MUC4: variants seen among roughly 807,000 people sequenced by gnomAD.
MUC4 encodes the protein mucin-4.
MUC4 carries 202 observed loss-of-function variants against 257.9 expected under a neutral mutation model. The ratio of observed to expected loss-of-function variants is 0.78; its 90% CI spans 0.70 to 0.88. MUC4 has a LOEUF of 0.88. Ranked by LOEUF, MUC4 falls within the 40% of genes least tolerant of loss-of-function variation. The probability of loss-of-function intolerance (pLI) is 0.00; values close to 1 mark genes in which losing one functional copy is unlikely to be tolerated. For synonymous variants in MUC4, 2,351 were observed against 2,757.1 expected, an observed-to-expected ratio of 0.85 and a Z score of 4.62; for missense variants, 5,976 against 6,513.7, an observed-to-expected ratio of 0.92 and a Z score of 2.84.
chr3:195,767,502 C>CATT (rs1485181581), intron 7 of MUC4, among the ~76,000 whole-genome samples: 41 of 146,074 alleles, frequency 2.8e-4, no homozygotes, highest in Non-Finnish European at 4.7e-4. Flanking sequence ...TCACCATCAC[C>CATT]ACCACCATCA....
At position 195,763,516 on chromosome 3, in the gene MUC4, T is replaced by A; in HGVS notation, c.14170A>T (p.Thr4724Ser). ...GCCTGGGCTGAGCCAGTCTGGGCGG[T>A]GCGGCCCTGAAGCAGGAAGGAGGAG... ...GNSSFLLQGRTAQTGSAQATN... is the reference protein window; with the variant it reads ...GNSSFLLQGRSAQTGSAQATN... The change falls in exon 12 of 25, where the codon ACC (threonine) becomes TCC (serine). Residue 4724 changes from threonine (T) to serine (S), a missense_variant. Transcript: ENST00000463781. 6.4e-7 allele frequency: 1 copy of A among 1,566,272 alleles called. No homozygotes were observed. The highest frequency in any genetic ancestry group is 8.7e-7 in the Non-Finnish European group (1 of 1,154,430).
At chr3:195,775,425 C>CCATACCTTCCACAGT (rs1724230127) in intron 3 of MUC4, among the ~76,000 whole-genome samples, 1 of 17,582 alleles carries the variant, frequency 5.7e-5, no homozygotes, top group African/African-American at 2.4e-4. Flanking sequence ...CCTTCCACAC[C>CCATACCTTCCACAGT]CATACCTTCC....
Position 195,780,327 on chromosome 3 carries a change from G to C in MUC4, c.11253C>G (p.Ser3751=), listed in dbSNP as rs778536277. The C allele has an allele frequency of 3.9e-6, 6 of 1,528,110 alleles. No individual in the cohort carries two copies. In the Admixed American group the frequency reaches 1.2e-4, roughly 31 times the overall value. 94.7% of individuals were successfully genotyped at this position (1,528,110 alleles called of 1,614,324 possible). A position where few individuals can be genotyped will look rare whatever the true frequency, so the allele number is the denominator to read the frequency against. ...HVTPLPVTST[S]SASTGHATPL... ...GGGTGGCGTGACCTGTGGATGCTGA[G>C]GAAGTGCTGGTGACAGGAAGAGGGG... Residue 3751 remains serine, a synonymous_variant, in exon 2 of 25, where the codon TCC becomes TCG. Transcript: ENST00000463781.
At position 195,754,258 on chromosome 3, in the gene MUC4, C is replaced by A. The variant is rs144662307; in HGVS notation, c.15283G>T (p.Glu5095Ter). ...CCAGTCAGGTTTGGAGGGCAGGCCT[C>A]GCAGCCCTTCCCAGGAACGCAGTGG... is the stretch of plus-strand genomic sequence containing the variant. ...SVHCVPGKGC[E>*]ACPPNLTGDG... Residue 5095 changes from glutamate (E) to a stop codon, truncating the protein, a stop_gained, in exon 19 of 25, where the codon GAG becomes TAG. Coordinates refer to ENST00000463781, the MANE Select transcript of MUC4 (RefSeq NM_018406.7). LOFTEE classifies it high-confidence loss of function. 9.7e-4 allele frequency: 1,560 copies of A among 1,614,030 alleles called. 4 individuals carry two copies. Among genetic ancestry groups the A allele is most frequent in the Non-Finnish European group, 1.2e-3 (1,358 of 1,179,996 alleles).
At chr3:195,759,764 A>G (rs987467521) in intron 16 of MUC4, among the ~76,000 whole-genome samples, 5 of 152,146 alleles carry the variant, frequency 3.3e-5, no homozygotes, top group African/African-American at 1.2e-4. Context: ...TACTAAAAAT[A>G]CAAAATTAGT....
intron 5 of MUC4, among the ~76,000 whole-genome samples, chr3:195,771,078 TGGCCG>T (rs1722749915): frequency 3.5e-4 from 15 of 42,622 alleles, no homozygotes; most frequent in African/African-American, 6.7e-4. Flanking sequence ...GTCAGTCTCG[TGGCCG>T]GGTTGGGGTA....
rs1220572015 is a variant in MUC4, at chr3:195,778,779, T to C, written c.12790+11A>G. Reference sequence around the variant, plus strand: ...ACTGGGAGACATAAAGGCGAGGCAGTTGGCAGCTACCTGGTGTTTCCATCT... The same window carrying C: ...ACTGGGAGACATAAAGGCGAGGCAGCTGGCAGCTACCTGGTGTTTCCATCT... On this transcript the variant is annotated intron_variant, in intron 2 of 24. Coordinates refer to ENST00000463781, the MANE Select transcript of MUC4 (RefSeq NM_018406.7). The C allele has an allele frequency of 1.9e-6, 3 of 1,603,080 alleles. No individual in the cohort carries two copies. In the African/African-American group the frequency reaches 4.0e-5, roughly 21 times the overall value.
rs1560283555 is a variant in MUC4, at chr3:195,775,423, ACCC to A, written c.12944-1121_12944-1119del. ...TACCTTCCACACCCATACCTTCCAC[ACCC>A]ATACCTTCCACACCCATACCTTCCA... On this transcript the variant is annotated intron_variant, in intron 3 of 24. Transcript: ENST00000463781. 1.5e-3 allele frequency among the ~76,000 whole-genome samples: 152 copies of A among 102,002 alleles called. 2 individuals are homozygous for A. The highest frequency in any genetic ancestry group is 2.1e-3 in the Non-Finnish European group (104 of 48,794). The allele number at this position is 102,002 out of a possible 152,430, so 66.9% of individuals were successfully genotyped here.
At chr3:195,794,117 A>T (rs1183059761) in intron 1 of MUC4, among the ~76,000 whole-genome samples, 3 of 117,024 alleles carry the variant, frequency 2.6e-5, no homozygotes, top group African/African-American at 7.6e-5. Context: ...AAAAATAGAT[A>T]TTAAATAAAT....
At chr3:195,754,021 A>C (rs1717012386) in intron 19 of MUC4, 192 bp downstream of exon 19, 2 of 703,836 alleles carry the variant, frequency 2.8e-6, no homozygotes, top group Non-Finnish European at 4.4e-6. Flanking sequence ...CCCCCTTTCC[A>C]GGCCTGCCTA....
In MUC4 at chr3:195,753,084, C is replaced by T; in HGVS notation, c.15475G>A (p.Ala5159Thr). The change falls in exon 20 of 25, where the codon GCT (alanine) becomes ACT (threonine). Residue 5159 changes from alanine (A) to threonine (T), a missense_variant. By Grantham distance (58) the Ala-to-Thr change is moderately conservative (BLOSUM62 0). Around this residue, in one of 44 missense-constraint regions of MUC4, gnomAD observed 996 missense variants for 1,137.3 expected, o/e 0.88. Coordinates refer to ENST00000463781, the MANE Select transcript of MUC4 (RefSeq NM_018406.7). ...PAFTDSRCFL[A>T]GNNFSPTVNL... The stretch of plus-strand genomic sequence containing the variant: ...ACAGTTGGACTGAAGTTGTTCCCAG[C>T]CAGGAAGCAGCGGCTGTCAGTGAAG... The T allele has an allele frequency of 6.2e-7, 1 of 1,610,032 alleles. No individual in the cohort carries two copies. Among genetic ancestry groups the T allele is most frequent in the Admixed American group, 1.7e-5 (1 of 59,692 alleles).
At chr3:195,794,087 A>AT (rs1196074686) in intron 1 of MUC4, among the ~76,000 whole-genome samples, 88 of 140,892 alleles carry the variant, frequency 6.2e-4, no homozygotes, top group Middle Eastern at 3.6e-3. Context: ...TTAAAAAATA[A>AT]AAATAATAAT....
At chr3:195,777,928 ACCC>A (rs1221000742) in intron 3 of MUC4, among the ~76,000 whole-genome samples, 4 of 148,400 alleles carry the variant, frequency 2.7e-5, no homozygotes, top group African/African-American at 1.0e-4. Context: ...TACCTTCCAC[ACCC>A]ATACCTTCCA....
chr3:195,806,310 C>T (rs899815175), intron 1 of MUC4, among the ~76,000 whole-genome samples: 2 of 152,284 alleles, frequency 1.3e-5, no homozygotes, highest in East Asian at 3.9e-4. Flanking sequence ...CCTCAGGCCT[C>T]AGCTCCCCGC....
chr3:195,802,591 G>A (rs756471959), intron 1 of MUC4, among the ~76,000 whole-genome samples: 69 of 152,302 alleles, frequency 4.5e-4, no homozygotes, highest in Middle Eastern at 6.8e-3. Context: ...TCCCGGGGGC[G>A]TGGGTCTAGT....
Position 195,773,047 on chromosome 3 carries a change from C to T in MUC4, c.13077+1125G>A, listed in dbSNP as rs556158052. 1.7e-3 allele frequency among the ~76,000 whole-genome samples: 247 copies of T among 143,774 alleles called. 2 individuals are homozygous for T. The highest frequency in any genetic ancestry group is 5.5e-3 in the African/African-American group (207 of 37,914). The allele number at this position is 143,774 out of a possible 152,430, so 94.3% of individuals were successfully genotyped here. Reference sequence around the variant, plus strand: ...TCGCTCAGGGGTGTAGACACCCTCCCTTCATCGCTCAGGGGTGTGGACACC... The same window carrying T: ...TCGCTCAGGGGTGTAGACACCCTCCTTTCATCGCTCAGGGGTGTGGACACC... On this transcript the variant is annotated intron_variant, in intron 4 of 24. Transcript: ENST00000463781.
chr3:195,772,136 C>T (rs923951986), intron 4 of MUC4, among the ~76,000 whole-genome samples: 1 of 152,096 alleles, frequency 6.6e-6, no homozygotes, highest in South Asian at 2.1e-4. Flanking sequence ...CTGAAGTTTG[C>T]GACACATTAG....
intron 1 of MUC4, among the ~76,000 whole-genome samples, chr3:195,805,132 C>G (rs1305549238): frequency 2.0e-5 from 3 of 151,448 alleles, no homozygotes; most frequent in Non-Finnish European, 4.4e-5. Context: ...GCGATCTCAG[C>G]TCACTGTAAC....
chr3:195,788,657 T>C lies in MUC4; in HGVS notation c.2923A>G (p.Thr975Ala), dbSNP rs1318783919. 6.2e-7 allele frequency: 1 copy of C among 1,610,890 alleles called. No individual in the cohort carries two copies. The highest frequency in any genetic ancestry group is 8.5e-7 in the Non-Finnish European group (1 of 1,178,594). Residue 975 changes from threonine to alanine, a missense_variant, in exon 2 of 25, where the codon ACC becomes GCC. By Grantham distance (58) the Thr-to-Ala change is moderately conservative (BLOSUM62 0). Coordinates refer to ENST00000463781, the MANE Select transcript of MUC4 (RefSeq NM_018406.7). ...GAAGCGTAGGTGACAGGAAGAGGGG[T>C]GGCGTTGCTGATGAGGGCCGTGGTG... ...TFTTALISNA[T>A]PLPVTYASSA...
Sources: gnomAD v4.1 joint callset for allele counts (sites outside exome capture counted in the v4.1 genomes callset) on GRCh38, gnomAD v4.1.1 for gene constraint, gnomAD v4.1.1 regional missense constraint, MANE v1.5 for transcripts, NCBI Gene and HGNC (gene_info 2026-07-23, HGNC 2026-07-21) for gene names.